The following ZMIZ1 variants were observed in gnomAD, a reference collection of about 807,000 sequenced individuals.
The protein encoded by ZMIZ1 is zinc finger MIZ-type containing 1.
ZMIZ1 carries 17 observed loss-of-function variants against 113.9 expected under a neutral mutation model. The ratio of observed to expected loss-of-function variants is 0.15; its 90% CI spans 0.10 to 0.22. ZMIZ1 has a LOEUF of 0.22. Ranked by LOEUF, ZMIZ1 falls within the 10% of genes least tolerant of loss-of-function variation. The pLI is 1.00. For synonymous variants in ZMIZ1, 607 were observed against 603.1 expected (o/e 1.01, Z -0.09); for missense variants, 1,059 against 1,477.8 (o/e 0.72, Z 4.65).
intron 4 of ZMIZ1, among the ~76,000 whole-genome samples, chr10:79,197,554 A>C (rs1847880248): frequency 6.7e-6 from 1 of 149,238 alleles, no homozygotes; most frequent in African/African-American, 2.5e-5. Flanking sequence ...CAGAAGTAGC[A>C]AGCGGAGCTG....
At chr10:79,120,048 T>G (rs1015265903) in intron 2 of ZMIZ1, among the ~76,000 whole-genome samples, 5 of 149,060 alleles carry the variant, frequency 3.4e-5, no homozygotes, top group Non-Finnish European at 6.0e-5. Flanking sequence ...GTTCAGAGGC[T>G]GGGGGGAGAA....
chr10:79,228,893 G>A (rs1181425701), intron 7 of ZMIZ1, among the ~76,000 whole-genome samples: 1 of 152,180 alleles, frequency 6.6e-6, no homozygotes, highest in Non-Finnish European at 1.5e-5. Flanking sequence ...ATGTATCCCC[G>A]GCCTCATCTC....
intron 4 of ZMIZ1, among the ~76,000 whole-genome samples, chr10:79,192,619 T>A (rs890998407): frequency 6.6e-6 from 1 of 152,212 alleles, no homozygotes; most frequent in African/African-American, 2.4e-5. Flanking sequence ...TCTGAAGAGT[T>A]GTGGTCCGAA....
chr10:79,285,842 G>A (rs1483905361), intron 8 of ZMIZ1, among the ~76,000 whole-genome samples: 1 of 152,258 alleles, frequency 6.6e-6, no homozygotes, highest in Non-Finnish European at 1.5e-5. Flanking sequence ...TCCCGGAGGA[G>A]GTGGCCTTTG....
intron 1 of ZMIZ1, among the ~76,000 whole-genome samples, chr10:79,111,284 T>C (rs1843727266): frequency 6.6e-6 from 1 of 152,068 alleles, no homozygotes; most frequent in African/African-American, 2.4e-5. Context: ...TCGGAGGTCA[T>C]GGGGCCCAGG....
intron 3 of ZMIZ1, among the ~76,000 whole-genome samples, chr10:79,161,062 G>A (rs999081103): frequency 2.6e-5 from 4 of 152,182 alleles, no homozygotes; most frequent in Non-Finnish European, 5.9e-5. Flanking sequence ...GGGCAGTAGG[G>A]GGCGTGTTGG....
At chr10:79,251,151 G>C (rs779875940) in intron 7 of ZMIZ1, among the ~76,000 whole-genome samples, 1 of 152,088 alleles carries the variant, frequency 6.6e-6, no homozygotes, top group Non-Finnish European at 1.5e-5. Flanking sequence ...TGTTAGGAGC[G>C]AGAGGCCCTC....
chr10:79,219,473 T>C (rs1364385991), intron 7 of ZMIZ1, among the ~76,000 whole-genome samples: 1 of 152,194 alleles, frequency 6.6e-6, no homozygotes, highest in East Asian at 1.9e-4. Flanking sequence ...TGAACTAGCC[T>C]CCTGGCTGCA....
At chr10:79,292,121 G>A in intron 10 of ZMIZ1, 37 bp from the exon 11 acceptor site, 1 of 1,570,312 alleles carries the variant, frequency 6.4e-7, no homozygotes, top group African/African-American at 1.3e-5. Flanking sequence ...CTCAGATGCA[G>A]GCAGTACCTA....
chr10:79,299,578 G>GGCCGGTGCAAGGT (rs1564597795), intron 16 of ZMIZ1, among the ~76,000 whole-genome samples: 4 of 152,110 alleles, frequency 2.6e-5, no homozygotes, highest in African/African-American at 9.7e-5. Flanking sequence ...TGGTGCAAGG[G>GGCCGGTGCAAGGT]CCAGGCCGGG....
intron 6 of ZMIZ1, among the ~76,000 whole-genome samples, chr10:79,208,720 G>A (rs1301552454): frequency 1.3e-5 from 2 of 152,216 alleles, no homozygotes; most frequent in Admixed American, 6.5e-5. Flanking sequence ...CACTTTGCAG[G>A]TCACTGTTCC....
intron 7 of ZMIZ1, among the ~76,000 whole-genome samples, chr10:79,231,614 T>G (rs1401079872): frequency 2.0e-5 from 3 of 152,052 alleles, no homozygotes; most frequent in Non-Finnish European, 4.4e-5. Context: ...AGTCTCGCTC[T>G]GTCACCCATG....
At chr10:79,086,693 G>C (rs1478026700) in intron 1 of ZMIZ1, among the ~76,000 whole-genome samples, 1 of 151,980 alleles carries the variant, frequency 6.6e-6, no homozygotes, top group Non-Finnish European at 1.5e-5. Flanking sequence ...AATTTTTTTT[G>C]TAAAGACGAG....
intron 8 of ZMIZ1, among the ~76,000 whole-genome samples, chr10:79,286,226 C>T (rs936996422): frequency 6.6e-6 from 1 of 152,260 alleles, no homozygotes; most frequent in African/African-American, 2.4e-5. Context: ...AGACCCTCCT[C>T]CCATCCCAGC....
intron 8 of ZMIZ1, among the ~76,000 whole-genome samples, chr10:79,282,881 A>G (rs977975549): frequency 3.9e-5 from 6 of 152,156 alleles, no homozygotes; most frequent in Admixed American, 2.6e-4. Context: ...TATACAAGAG[A>G]AGGTGGCCAG....
chr10:79,090,157 A>AC (rs2132222798), intron 1 of ZMIZ1, among the ~76,000 whole-genome samples: 1 of 152,206 alleles, frequency 6.6e-6, no homozygotes, highest in African/African-American at 2.4e-5. Context: ...GCTGTCATTG[A>AC]GTTTAGCTGC....
intron 7 of ZMIZ1, among the ~76,000 whole-genome samples, chr10:79,276,903 C>G (rs1047692507): frequency 4.6e-5 from 7 of 152,174 alleles, no homozygotes; most frequent in South Asian, 2.1e-4. Context: ...GACTCTCCCC[C>G]TCTTTGCCTC....
At position 79,299,177 on chromosome 10, in the gene ZMIZ1, G is replaced by A. The variant is rs763635038; in HGVS notation, c.1794G>A (p.Gln598=). Residue 598 remains glutamine, a synonymous_variant, in exon 16 of 25, where the codon CAG becomes CAA. Coordinates refer to ENST00000334512, the MANE Select transcript of ZMIZ1 (RefSeq NM_020338.4). ...TCCACCTGCGGCCCACGGTCCACCA[G>A]ACGCTGATGTGGAGGTGCGTGTCAG... ...HVFHLRPTVH[Q]TLMWRSDLEL... The A allele has an allele frequency of 2.5e-6, 4 of 1,606,564 alleles. No individual in the cohort carries two copies. The South Asian group carries it at 4.4e-5, about 18-fold the overall frequency.
At chr10:79,267,361 C>T (rs959467909) in intron 7 of ZMIZ1, among the ~76,000 whole-genome samples, 3 of 152,236 alleles carry the variant, frequency 2.0e-5, no homozygotes, top group Admixed American at 1.3e-4. Flanking sequence ...CAATTTTCTA[C>T]AGTACTTAGG....
Sources: allele counts gnomAD v4.1 joint callset (sites outside exome capture counted in the v4.1 genomes callset), GRCh38; gene constraint gnomAD v4.1.1; transcripts MANE v1.5; gene names NCBI Gene and HGNC (gene_info 2026-07-23, HGNC 2026-07-21).